The following COL6A6 variants were observed in gnomAD, a reference collection of about 807,000 sequenced individuals.
COL6A6 encodes the protein collagen type VI alpha 6 chain, also known as collagen alpha-6(VI) chain.
In COL6A6, 183 loss-of-function variants were observed where a neutral mutation model predicts 208.6. That is an observed-to-expected ratio of 0.88 (90% CI 0.78 to 0.99). The LOEUF (loss-of-function observed/expected upper bound fraction) is 0.99, where lower values mean the gene tolerates loss of function less well. COL6A6 is among the 50% of genes least tolerant of loss of function. The probability of loss-of-function intolerance (pLI) is 0.00; values close to 1 mark genes in which losing one functional copy is unlikely to be tolerated. For missense variants in COL6A6, 2,816 were observed against 2,815.2 expected (o/e 1.00, Z -0.01); for synonymous variants, 973 against 1,011.8 (o/e 0.96, Z 0.73).
At chr3:130,539,080 T>G (rs2062292622) in intron 1 of COL6A6, among the ~76,000 whole-genome samples, 1 of 152,152 alleles carries the variant, frequency 6.6e-6, no homozygotes, top group South Asian at 2.1e-4. Context: ...CAACATTTGG[T>G]GCTTGAGATT....
intron 1 of COL6A6, among the ~76,000 whole-genome samples, chr3:130,546,148 G>A (rs1223904979): frequency 3.9e-5 from 6 of 152,072 alleles, no homozygotes; most frequent in African/African-American, 1.4e-4. Context: ...ATGAAGCCCC[G>A]GACCCTCGCG....
intron 1 of COL6A6, among the ~76,000 whole-genome samples, chr3:130,531,176 G>C (rs1427241546): frequency 2.0e-5 from 3 of 151,822 alleles, no homozygotes; most frequent in Non-Finnish European, 4.4e-5. Flanking sequence ...TGTAGGTCCA[G>C]GCTTTTCAAC....
chr3:130,553,958 C>G (rs951549412), intron 1 of COL6A6, among the ~76,000 whole-genome samples: 1 of 151,966 alleles, frequency 6.6e-6, no homozygotes, highest in African/African-American at 2.4e-5. Flanking sequence ...CTGGAAGATT[C>G]TAGGGGGCCA....
chr3:130,624,860 C>T (rs576860360), intron 24 of COL6A6, among the ~76,000 whole-genome samples: 1 of 152,304 alleles, frequency 6.6e-6, no homozygotes, highest in East Asian at 1.9e-4. Flanking sequence ...ACCTCAAACA[C>T]TTACCCCTAC....
chr3:130,619,624 A>G (rs1576342440), intron 23 of COL6A6, among the ~76,000 whole-genome samples: 1 of 152,232 alleles, frequency 6.6e-6, no homozygotes, highest in East Asian at 1.9e-4. Context: ...GATTAGAGGA[A>G]GACCTGGCTA....
At chr3:130,521,782 T>C (rs1408529778) in intron 1 of COL6A6, among the ~76,000 whole-genome samples, 2 of 152,180 alleles carry the variant, frequency 1.3e-5, no homozygotes, top group Admixed American at 1.3e-4. Flanking sequence ...CCCAATAATA[T>C]ATGAAAGTTG....
chr3:130,634,877 A>C (rs1486461399), intron 27 of COL6A6, among the ~76,000 whole-genome samples: 2 of 152,292 alleles, frequency 1.3e-5, no homozygotes, highest in African/African-American at 2.4e-5. Flanking sequence ...TATCCTTTTA[A>C]AATTTTTTCC....
intron 27 of COL6A6, among the ~76,000 whole-genome samples, 183 bp from the exon 28 acceptor site, chr3:130,635,516 G>A (rs1408760401): frequency 6.6e-6 from 1 of 152,172 alleles, no homozygotes; most frequent in Admixed American, 6.5e-5. Flanking sequence ...AAACAATGCT[G>A]ACGCAGTGTG....
rs368418680 is a variant in COL6A6, at chr3:130,567,116, G to A, written c.1697G>A (p.Arg566Gln). 1.7e-5 allele frequency: 27 copies of A among 1,613,890 alleles called. No individual in the cohort carries two copies. Among genetic ancestry groups the A allele is most frequent in the Admixed American group, 1.3e-4 (8 of 60,012 alleles). Reference sequence around the variant, plus strand: ...AACAGACTGAGAGAAGAGCACATCCGAGTTTATGCTATCGGGATCAAGGAG... The same window carrying A: ...AACAGACTGAGAGAAGAGCACATCCAAGTTTATGCTATCGGGATCAAGGAG... ...PANRLREEHI[R>Q]VYAIGIKEAN... Residue 566 changes from arginine to glutamine, a missense_variant, in exon 5 of 37, where the codon CGA (arginine) becomes CAA (glutamine). Physicochemically the swap from Arg to Gln is conservative, Grantham distance 43. Coordinates refer to ENST00000358511, the MANE Select transcript of COL6A6 (RefSeq NM_001102608.3).
At chr3:130,605,496 T>C (rs1334852100) in intron 20 of COL6A6, among the ~76,000 whole-genome samples, 3 of 152,136 alleles carry the variant, frequency 2.0e-5, no homozygotes, top group East Asian at 3.9e-4. Flanking sequence ...TCTACTGATA[T>C]TTTTCTGAAT....
At chr3:130,567,772 C>T (rs752387967) in intron 5 of COL6A6, among the ~76,000 whole-genome samples, 33 of 152,192 alleles carry the variant, frequency 2.2e-4, no homozygotes, top group Non-Finnish European at 3.7e-4. Flanking sequence ...AAGCATTTTA[C>T]AGTATCCTAC....
chr3:130,555,319 C>A (rs2062743079), intron 1 of COL6A6, among the ~76,000 whole-genome samples: 1 of 152,186 alleles, frequency 6.6e-6, no homozygotes, highest in Non-Finnish European at 1.5e-5. Context: ...GTGCCAGGAA[C>A]AAGACCTGGT....
intron 1 of COL6A6, among the ~76,000 whole-genome samples, chr3:130,529,554 T>A (rs893427344): frequency 6.6e-6 from 1 of 152,198 alleles, no homozygotes; most frequent in Non-Finnish European, 1.5e-5. Flanking sequence ...TCTGGGCCTT[T>A]CCAGATACAT....
chr3:130,565,306 G>A lies in COL6A6; in HGVS notation c.974G>A (p.Gly325Asp). Residue 325 changes from glycine to aspartate, a missense_variant, in exon 4 of 37, where the codon GGC becomes GAC. Coordinates refer to ENST00000358511, the MANE Select transcript of COL6A6 (RefSeq NM_001102608.3). ...LRKEVFSARN[G>D]SRKNQGVPQI... ...AAGGAAGTTTTTAGTGCACGGAATG[G>A]CAGTCGGAAGAATCAGGGGGTGCCC... is the stretch of plus-strand genomic sequence containing the variant. The A allele has an allele frequency of 1.2e-6, 2 of 1,613,960 alleles. No individual in the cohort carries two copies. Among genetic ancestry groups the A allele is most frequent in the South Asian group, 2.2e-5 (2 of 91,076 alleles).
Position 130,621,884 on chromosome 3 carries a change from G to A in COL6A6, c.4878+1G>A, listed in dbSNP as rs566941847. 2 of 1,613,152 alleles carry A rather than the reference G, an allele frequency of 1.2e-6. No homozygotes were observed. Among genetic ancestry groups the A allele is most frequent in the African/African-American group, 2.7e-5 (2 of 75,026 alleles). ...CCGTTTGGGAAGCCAAGGAAATAAA[G>A]TAGGTCACATTCTTTATACTCACCA... On this transcript the variant is annotated splice_donor_variant, in intron 24 of 36. Coordinates refer to ENST00000358511, the MANE Select transcript of COL6A6 (RefSeq NM_001102608.3). LOFTEE classifies it high-confidence loss of function.
At position 130,649,578 on chromosome 3, in the gene COL6A6, C is replaced by A; in HGVS notation, c.5733+16C>A. The A allele has an allele frequency of 1.3e-6, 2 of 1,548,110 alleles. No homozygotes were observed. The highest frequency in any genetic ancestry group is 2.3e-5 in the East Asian group (1 of 43,222). ...CGCATTTGCGGTATGAGGATGAAAC[C>A]TTTCACATGACAATTCTTACTTATC... is the stretch of plus-strand genomic sequence containing the variant. On this transcript the variant is annotated intron_variant, in intron 33 of 36. Transcript: ENST00000358511.
rs1458093415 is a variant in COL6A6, at chr3:130,586,663, A to T, written c.4125+3A>T. Reference sequence around the variant, plus strand: ...GAAGCCGGCTGTCAAAGCAGCTGGTAAGTTATTCTGAAAAGGCTGGTGAGC... The same window carrying T: ...GAAGCCGGCTGTCAAAGCAGCTGGTTAGTTATTCTGAAAAGGCTGGTGAGC... On this transcript the variant is annotated splice_donor_region_variant and intron_variant, in intron 11 of 36. Coordinates refer to ENST00000358511, the MANE Select transcript of COL6A6 (RefSeq NM_001102608.3). The T allele has an allele frequency of 6.2e-7, 1 of 1,610,966 alleles. No homozygotes were observed. Among genetic ancestry groups the T allele is most frequent in the Non-Finnish European group, 8.5e-7 (1 of 1,178,920 alleles).
chr3:130,555,751 G>T (rs2062753997), intron 1 of COL6A6, among the ~76,000 whole-genome samples: 1 of 151,194 alleles, frequency 6.6e-6, no homozygotes, highest in South Asian at 2.1e-4. Flanking sequence ...GGTGTTTTTT[G>T]GTTTTTTTTG....
intron 1 of COL6A6, among the ~76,000 whole-genome samples, chr3:130,517,778 T>A (rs1214765998): frequency 6.6e-6 from 1 of 152,180 alleles, no homozygotes; most frequent in Non-Finnish European, 1.5e-5. Flanking sequence ...AGTGGACCAC[T>A]CTCGGAAACA....
Sources: allele counts gnomAD v4.1 joint callset (sites outside exome capture counted in the v4.1 genomes callset), GRCh38; gene constraint gnomAD v4.1.1; transcripts MANE v1.5; gene names NCBI Gene and HGNC (gene_info 2026-07-23, HGNC 2026-07-21).